CTBP2: variants seen among roughly 807,000 people sequenced by gnomAD.
CTBP2 encodes the protein C-terminal binding protein 2.
Under a neutral mutation model 80.3 loss-of-function variants are expected in CTBP2, and 30 were observed. The ratio of observed to expected loss-of-function variants is 0.37; its 90% CI spans 0.28 to 0.51. The LOEUF (loss-of-function observed/expected upper bound fraction) is 0.51, where lower values mean the gene tolerates loss of function less well. CTBP2 is among the 20% of genes least tolerant of loss of function. The probability of loss-of-function intolerance (pLI) is 0.93; values close to 1 mark genes in which losing one functional copy is unlikely to be tolerated. For missense variants in CTBP2, 1,212 were observed against 1,375.3 expected (o/e 0.88, Z 1.88); for synonymous variants, 594 against 587.4 (o/e 1.01, Z -0.16).
chr10:125,015,059 A>G (rs79625731), intron 1 of CTBP2, among the ~76,000 whole-genome samples: 3 of 152,182 alleles, frequency 2.0e-5, no homozygotes, highest in African/African-American at 7.2e-5. Context: ...TGGGTAGAGG[A>G]AAAAAATGTG....
intron 1 of CTBP2, among the ~76,000 whole-genome samples, chr10:125,130,778 T>C (rs1856038874): frequency 6.6e-6 from 1 of 152,088 alleles, no homozygotes. Context: ...CAGACAAGAC[T>C]AGCGGAACTC....
intron 2 of CTBP2, among the ~76,000 whole-genome samples, chr10:125,097,361 G>C (rs556965731): frequency 1.3e-5 from 2 of 152,336 alleles, no homozygotes; most frequent in African/African-American, 4.8e-5. Context: ...TGGGAGAAAA[G>C]GAGAAAGCAG....
At chr10:125,085,539 G>C (rs1265627492) in intron 2 of CTBP2, among the ~76,000 whole-genome samples, 3 of 152,208 alleles carry the variant, frequency 2.0e-5, no homozygotes, top group Non-Finnish European at 2.9e-5. Context: ...TTCCATCCCA[G>C]GCTCCAGGCA....
At chr10:125,043,669 C>T (rs557344013) in intron 2 of CTBP2, among the ~76,000 whole-genome samples, 1 of 152,202 alleles carries the variant, frequency 6.6e-6, no homozygotes, top group South Asian at 2.1e-4. Flanking sequence ...ATCTCCTGAC[C>T]TCGTGATCTG....
intron 3 of CTBP2, among the ~76,000 whole-genome samples, chr10:125,036,735 C>G (rs1002362719): frequency 6.8e-6 from 1 of 146,880 alleles, no homozygotes; most frequent in Non-Finnish European, 1.5e-5. Context: ...GTTAGATGTT[C>G]AAGGCCTTCA....
At chr10:125,051,653 A>G (rs1962796779) in intron 2 of CTBP2, among the ~76,000 whole-genome samples, 1 of 115,976 alleles carries the variant, frequency 8.6e-6, no homozygotes, top group Non-Finnish European at 1.6e-5. Flanking sequence ...ATAGAAACCA[A>G]CCAACCAAAA....
intron 2 of CTBP2, among the ~76,000 whole-genome samples, chr10:125,079,849 C>T (rs1328927058): frequency 6.6e-6 from 1 of 152,122 alleles, no homozygotes; most frequent in Non-Finnish European, 1.5e-5. Context: ...AATTGCAATC[C>T]TCTCTCCTGT....
intron 2 of CTBP2, among the ~76,000 whole-genome samples, chr10:125,085,624 C>T (rs1847861375): frequency 6.6e-6 from 1 of 152,204 alleles, no homozygotes. Context: ...CTGGAACTTC[C>T]AGCCCAAAGC....
At chr10:125,050,801 A>C (rs1026726149) in intron 2 of CTBP2, among the ~76,000 whole-genome samples, 3 of 152,210 alleles carry the variant, frequency 2.0e-5, no homozygotes, top group Admixed American at 6.5e-5. Context: ...CTATAGCTAA[A>C]ATATAAGTTA....
At position 125,061,842 on chromosome 10, in the gene CTBP2, G is replaced by A. The variant is rs182380577; in HGVS notation, c.-101-22687C>T. On this transcript the variant is annotated intron_variant, in intron 2 of 10. Coordinates refer to the CTBP2 transcript ENST00000337195. ...GCAATAAGCAGGCTCCCCGGCTCACGGCATCCTGGACACTGTTCCCGTCAC... is the reference window on the plus strand; with the variant it reads ...GCAATAAGCAGGCTCCCCGGCTCACAGCATCCTGGACACTGTTCCCGTCAC... Among the ~76,000 whole-genome samples, 6 of 152,128 alleles carry A rather than the reference G, an allele frequency of 3.9e-5. No individual in the cohort carries two copies. The East Asian group carries it at 7.7e-4, about 20-fold the overall frequency.
At chr10:125,158,625 G>A (rs1861363334) in intron 1 of CTBP2, 2 of 152,212 alleles carry the variant, frequency 1.3e-5, no homozygotes, top group South Asian at 2.1e-4. Flanking sequence ...TACACAGAAG[G>A]ATTGTTTACC....
chr10:125,031,062 G>A (rs1958133648), upstream of CTBP2, among the ~76,000 whole-genome samples: 1 of 152,100 alleles, frequency 6.6e-6, no homozygotes, highest in Non-Finnish European at 1.5e-5. Context: ...CGGGTAACAC[G>A]GTTTTCTGGC....
intron 1 of CTBP2, among the ~76,000 whole-genome samples, chr10:125,152,533 T>G (rs995179574): frequency 6.6e-6 from 1 of 152,246 alleles, no homozygotes; most frequent in African/African-American, 2.4e-5. Context: ...TATTTCTTCC[T>G]GGCATAAAAT....
At chr10:125,146,571 C>A (rs1236718451) in intron 1 of CTBP2, among the ~76,000 whole-genome samples, 2 of 152,194 alleles carry the variant, frequency 1.3e-5, no homozygotes, top group East Asian at 1.9e-4. Context: ...GCATGAGCCA[C>A]CCCACCTGGC....
chr10:125,072,071 T>C (rs1332163472), intron 2 of CTBP2, among the ~76,000 whole-genome samples: 2 of 152,094 alleles, frequency 1.3e-5, no homozygotes, highest in Non-Finnish European at 2.9e-5. Context: ...ATAATCCACA[T>C]ACATGGCCGG....
chr10:125,035,589 T>C (rs1958771448), intron 3 of CTBP2, among the ~76,000 whole-genome samples: 1 of 152,244 alleles, frequency 6.6e-6, no homozygotes, highest in Admixed American at 6.5e-5. Context: ...GAAGCAGCTC[T>C]AACAAAAAGT....
chr10:125,152,986 G>C (rs1016955892), intron 1 of CTBP2, among the ~76,000 whole-genome samples: 11 of 152,244 alleles, frequency 7.2e-5, no homozygotes, highest in African/African-American at 2.4e-4. Context: ...CCCAAAGCCT[G>C]AGTCTCCATC....
intron 1 of CTBP2, chr10:125,160,106 G>A (rs1477595185): frequency 6.7e-6 from 1 of 148,368 alleles, no homozygotes; most frequent in Non-Finnish European, 1.5e-5. Flanking sequence ...CCCCGAGCCA[G>A]CGTCCACCCC....
intron 4 of CTBP2, chr10:124,997,218 G>A (rs916621156): frequency 1.3e-5 from 2 of 152,264 alleles, no homozygotes; most frequent in African/African-American, 4.8e-5. Context: ...CTTACAGATT[G>A]GGAAATTGAG....
Sources: gnomAD v4.1 joint callset for allele counts (sites outside exome capture counted in the v4.1 genomes callset) on GRCh38, gnomAD v4.1.1 for gene constraint, MANE v1.5 for transcripts, NCBI Gene and HGNC (gene_info 2026-07-23, HGNC 2026-07-21) for gene names.